The following UMAD1 variants were observed in gnomAD, a reference collection of about 807,000 sequenced individuals.
UMAD1 encodes UBAP1-MVB12-associated (UMA) domain containing 1, also known as UBAP1-MVB12-associated (UMA)-domain containing protein 1.
Under a neutral mutation model 6.1 loss-of-function variants are expected in UMAD1, and 8 were observed. The ratio of observed to expected loss-of-function variants is 1.30; its 90% CI spans 0.76 to 2.35. The LOEUF (loss-of-function observed/expected upper bound fraction) is 2.35. Among genes scored for constraint, UMAD1 ranks in the 30% most tolerant of loss-of-function variants. The pLI is 0.00. For synonymous variants in UMAD1, 56 were observed against 31.4 expected, an observed-to-expected ratio of 1.78 and a Z score of -2.61; for missense variants, 130 against 78.4, an observed-to-expected ratio of 1.66 and a Z score of -2.49.
intron 2 of UMAD1, among the ~76,000 whole-genome samples, chr7:7,687,951 A>G (rs2115132643): frequency 6.6e-6 from 1 of 152,304 alleles, no homozygotes; most frequent in African/African-American, 2.4e-5. Context: ...GGCAGCACCA[A>G]AGGAAAACTG....
At chr7:7,681,283 C>G (rs1246622469) in intron 2 of UMAD1, among the ~76,000 whole-genome samples, 1 of 152,052 alleles carries the variant, frequency 6.6e-6, no homozygotes, top group African/African-American at 2.4e-5. Flanking sequence ...TTCTGCTTAA[C>G]ACAAATAGGT....
intron 3 of UMAD1, among the ~76,000 whole-genome samples, chr7:7,818,900 A>G (rs1783183728): frequency 6.6e-6 from 1 of 152,180 alleles, no homozygotes; most frequent in Admixed American, 6.5e-5. Flanking sequence ...CCCAGGCTAG[A>G]ATGCCATAGC....
In UMAD1 at chr7:7,696,209, G is replaced by T. The variant is rs190942055; in HGVS notation, c.82+22756G>T. 2.5e-3 allele frequency among the ~76,000 whole-genome samples: 372 copies of T among 151,156 alleles called. 1 individual carries two copies. Among genetic ancestry groups the T allele is most frequent in the African/African-American group, 8.7e-3 (357 of 41,178 alleles). On this transcript the variant is annotated intron_variant, in intron 2 of 3. Transcript: ENST00000682710. Reference sequence around the variant, plus strand: ...TTTGTAGAGATGGGGGTTTTGCCATGTTGCCCAGGCTACCAGTGTAATTTG... The same window carrying T: ...TTTGTAGAGATGGGGGTTTTGCCATTTTGCCCAGGCTACCAGTGTAATTTG...
At chr7:7,732,023 A>G (rs1781269397) in intron 2 of UMAD1, among the ~76,000 whole-genome samples, 1 of 151,886 alleles carries the variant, frequency 6.6e-6, no homozygotes, top group Non-Finnish European at 1.5e-5. Context: ...AATATTAATG[A>G]CCATTATTTT....
chr7:7,671,456 C>G (rs1271166498), intron 1 of UMAD1, among the ~76,000 whole-genome samples: 1 of 152,196 alleles, frequency 6.6e-6, no homozygotes, highest in Non-Finnish European at 1.5e-5. Flanking sequence ...GCTATATACC[C>G]TTTATTTGAT....
At chr7:7,814,761 C>T (rs138607050) in intron 3 of UMAD1, among the ~76,000 whole-genome samples, 2 of 152,082 alleles carry the variant, frequency 1.3e-5, no homozygotes, top group African/African-American at 4.8e-5. Context: ...ACTGCGAGAA[C>T]GTGTGTGACA....
chr7:7,654,538 C>G (rs936580181), intron 1 of UMAD1, among the ~76,000 whole-genome samples: 2 of 152,154 alleles, frequency 1.3e-5, no homozygotes, highest in Non-Finnish European at 2.9e-5. Flanking sequence ...TTGTATATAG[C>G]CTTTGTACAT....
intron 2 of UMAD1, among the ~76,000 whole-genome samples, chr7:7,775,775 T>C (rs147447788): frequency 6.6e-6 from 1 of 152,342 alleles, no homozygotes; most frequent in East Asian, 1.9e-4. Flanking sequence ...ACCTACTATA[T>C]GATGCAGCTA....
At chr7:7,832,234 A>C (rs1434507619) in intron 3 of UMAD1, among the ~76,000 whole-genome samples, 1 of 152,208 alleles carries the variant, frequency 6.6e-6, no homozygotes, top group Non-Finnish European at 1.5e-5. Context: ...ACATGGTTCT[A>C]GTTTCAAAGG....
chr7:7,680,988 T>C (rs951702792), intron 2 of UMAD1, among the ~76,000 whole-genome samples: 1 of 152,160 alleles, frequency 6.6e-6, no homozygotes, highest in East Asian at 1.9e-4. Context: ...CATAACTTTT[T>C]TTGTGGCATC....
intron 2 of UMAD1, among the ~76,000 whole-genome samples, chr7:7,785,056 T>C (rs1247315142): frequency 6.6e-6 from 1 of 152,232 alleles, no homozygotes; most frequent in African/African-American, 2.4e-5. Flanking sequence ...TTTTCCTGTA[T>C]GGTCATTTCC....
chr7:7,875,068 C>T (rs960565114), intron 3 of UMAD1, among the ~76,000 whole-genome samples: 1 of 152,122 alleles, frequency 6.6e-6, no homozygotes, highest in Non-Finnish European at 1.5e-5. Flanking sequence ...GCCACCGTGC[C>T]CGGCCCAGAA....
intron 1 of UMAD1, among the ~76,000 whole-genome samples, chr7:7,646,843 A>G (rs1036633768): frequency 6.6e-6 from 1 of 152,004 alleles, no homozygotes; most frequent in Non-Finnish European, 1.5e-5. Flanking sequence ...TCTTCTGCTC[A>G]TGGAGCCTGG....
At chr7:7,853,868 G>A (rs939310085) in intron 3 of UMAD1, among the ~76,000 whole-genome samples, 5 of 152,084 alleles carry the variant, frequency 3.3e-5, no homozygotes, top group African/African-American at 9.7e-5. Flanking sequence ...TAGCAAGAAT[G>A]GATACCTTGT....
intron 2 of UMAD1, among the ~76,000 whole-genome samples, chr7:7,678,553 ATATT>A (rs1193901548): frequency 1.9e-4 from 27 of 138,896 alleles, no homozygotes; most frequent in South Asian, 6.5e-4. Flanking sequence ...AGATAAATAT[ATATT>A]TATATACTTA....
chr7:7,814,545 T>G (rs4725034), intron 3 of UMAD1, among the ~76,000 whole-genome samples: 140,441 of 152,166 alleles, frequency 0.92, 64,928 homozygotes, highest in African/African-American at 0.97. Flanking sequence ...TGTGAGTCTT[T>G]TTAGTTGCCT....
chr7:7,681,314 T>C (rs546778255), intron 2 of UMAD1, among the ~76,000 whole-genome samples: 6 of 152,308 alleles, frequency 3.9e-5, no homozygotes, highest in African/African-American at 1.4e-4. Flanking sequence ...AATTATTAGA[T>C]GGCATTGCAG....
intron 3 of UMAD1, chr7:7,868,448 T>C (rs1784274932): frequency 6.6e-6 from 1 of 152,142 alleles, no homozygotes; most frequent in Non-Finnish European, 1.5e-5. Context: ...TGTATGTACG[T>C]TCAGCTGGAG....
At chr7:7,825,460 G>T (rs1316493429) in intron 3 of UMAD1, among the ~76,000 whole-genome samples, 1 of 152,130 alleles carries the variant, frequency 6.6e-6, no homozygotes, top group East Asian at 1.9e-4. Flanking sequence ...CAATCATGGT[G>T]GAAGGCAAGG....
Sources: gnomAD v4.1 joint callset for allele counts (sites outside exome capture counted in the v4.1 genomes callset) on GRCh38, gnomAD v4.1.1 for gene constraint, MANE v1.5 for transcripts, NCBI Gene and HGNC (gene_info 2026-07-23, HGNC 2026-07-21) for gene names.